PCDHA2: variants seen among roughly 807,000 people sequenced by gnomAD.
PCDHA2 encodes protocadherin alpha 2.
A neutral mutation model predicts 66.0 loss-of-function variants in PCDHA2; 58 were observed. The observed-to-expected ratio is 0.88, with a 90% CI of 0.71 to 1.09. PCDHA2 has a LOEUF of 1.09. PCDHA2 is among the 50% of genes least tolerant of loss of function. PCDHA2 has a pLI of 0.00. For missense variants in PCDHA2, 1,267 were observed against 1,242.3 expected, an observed-to-expected ratio of 1.02 and a Z score of -0.30; for synonymous variants, 634 against 554.0, an observed-to-expected ratio of 1.14 and a Z score of -2.03.
Position 140,807,576 on chromosome 5 carries a change from C to G in PCDHA2, c.2388+10224C>G, listed in dbSNP as rs1763970133. 3 of 1,614,160 alleles carry G rather than the reference C, an allele frequency of 1.9e-6. No individual in the cohort carries two copies. In the East Asian group the frequency reaches 6.7e-5, roughly 36 times the overall value. On this transcript the variant is annotated intron_variant, in intron 1 of 3. Coordinates refer to ENST00000526136, the MANE Select transcript of PCDHA2 (RefSeq NM_018905.3). ...GAGGTGAGGGACATTAACGATAACC[C>G]GCCGGTGTTCCCAGCAACACAAAAG...
intron 1 of PCDHA2, chr5:140,829,772 A>C: frequency 6.2e-7 from 1 of 1,613,784 alleles, no homozygotes; most frequent in Non-Finnish European, 8.5e-7. Context: ...CGAGAACGAC[A>C]ACGCGCCGGC....
intron 1 of PCDHA2, chr5:140,869,678 T>A: frequency 1.9e-6 from 3 of 1,613,496 alleles, no homozygotes; most frequent in East Asian, 4.5e-5. Flanking sequence ...ATTAAAAGAC[T>A]GTCACTTATT....
At chr5:140,964,473 T>G (rs1457345251) in intron 1 of PCDHA2, among the ~76,000 whole-genome samples, 13 of 152,068 alleles carry the variant, frequency 8.5e-5, no homozygotes, top group African/African-American at 3.1e-4. Flanking sequence ...TGCCTATGAT[T>G]TTTTCACAGT....
At chr5:140,803,794 A>C in intron 1 of PCDHA2, 1 of 817,710 alleles carries the variant, frequency 1.2e-6, no homozygotes, top group Non-Finnish European at 1.9e-6. Context: ...TATGATATCC[A>C]CACTTGTAAT....
At chr5:140,934,574 A>G in intron 1 of PCDHA2, among the ~76,000 whole-genome samples, 1 of 152,124 alleles carries the variant, frequency 6.6e-6, no homozygotes, top group Non-Finnish European at 1.5e-5. Flanking sequence ...AATTAATTGT[A>G]ACATTTCTGT....
At chr5:141,002,934 C>A (rs1318656602) in intron 3 of PCDHA2, among the ~76,000 whole-genome samples, 2 of 152,172 alleles carry the variant, frequency 1.3e-5, no homozygotes, top group Non-Finnish European at 2.9e-5. Flanking sequence ...CCTCCAACAC[C>A]CTCCAGCACA....
Position 140,997,281 on chromosome 5 carries a change from T to C in PCDHA2, c.2537-12346T>C, listed in dbSNP as rs143161972. Reference sequence around the variant, plus strand: ...CTCTTCCAAATATTTCTTGCATCACTTAACAATGGGGATACACTGAGAAAT... The same window carrying C: ...CTCTTCCAAATATTTCTTGCATCACCTAACAATGGGGATACACTGAGAAAT... On this transcript the variant is annotated intron_variant, in intron 3 of 3. Transcript: ENST00000526136. 1.4e-3 allele frequency among the ~76,000 whole-genome samples: 209 copies of C among 152,340 alleles called. 2 individuals carry two copies. Among genetic ancestry groups the C allele is most frequent in the African/African-American group, 4.7e-3 (195 of 41,574 alleles).
intron 1 of PCDHA2, among the ~76,000 whole-genome samples, chr5:140,910,545 A>T (rs551984797): frequency 1.3e-5 from 2 of 152,316 alleles, no homozygotes; most frequent in East Asian, 1.9e-4. Context: ...TCTATTTTGC[A>T]AAGTATTAGT....
intron 1 of PCDHA2, chr5:140,877,218 G>T: frequency 1.2e-6 from 2 of 1,613,726 alleles, no homozygotes; most frequent in South Asian, 1.1e-5. Context: ...AGTTGGTACC[G>T]CGGTCGGTGG....
At chr5:140,966,414 G>A (rs1310333281) in intron 1 of PCDHA2, 5 of 420,334 alleles carry the variant, frequency 1.2e-5, no homozygotes, top group African/African-American at 2.1e-5. Context: ...AATCAGAGCA[G>A]GACTTGCTGA....
At chr5:140,870,619 T>C in intron 1 of PCDHA2, 1 of 1,613,150 alleles carries the variant, frequency 6.2e-7, no homozygotes, top group Middle Eastern at 1.7e-4. Flanking sequence ...GCTGTCGAGC[T>C]ACGTGTCGGT....
chr5:140,945,596 T>C (rs2093812585), intron 1 of PCDHA2, among the ~76,000 whole-genome samples: 1 of 152,060 alleles, frequency 6.6e-6, no homozygotes, highest in Admixed American at 6.6e-5. Context: ...ACTTCAAAGC[T>C]ATAATAATCA....
intron 1 of PCDHA2, chr5:140,877,760 G>C (rs782609531): frequency 6.2e-7 from 1 of 1,614,194 alleles, no homozygotes; most frequent in South Asian, 1.1e-5. Context: ...TCTGCAGAGA[G>C]CCCGCCCAAG....
At position 140,850,499 on chromosome 5, in the gene PCDHA2, G is replaced by T. The variant is rs2150486529; in HGVS notation, c.2388+53147G>T. 2.5e-6 allele frequency: 4 copies of T among 1,598,170 alleles called. No individual in the cohort carries two copies. The East Asian group carries it at 8.9e-5, about 36-fold the overall frequency. ...CGGCCACGGCCACTGTGCTGGTGTCGCTGGTGGAGAGCGGCCAGGCGCCAA... is the reference window on the plus strand; with the variant it reads ...CGGCCACGGCCACTGTGCTGGTGTCTCTGGTGGAGAGCGGCCAGGCGCCAA... On this transcript the variant is annotated intron_variant, in intron 1 of 3. Transcript: ENST00000526136.
chr5:140,873,785 C>T (rs1035020245), intron 1 of PCDHA2, among the ~76,000 whole-genome samples: 2 of 152,146 alleles, frequency 1.3e-5, no homozygotes, highest in Non-Finnish European at 2.9e-5. Flanking sequence ...CTCAGCTTTC[C>T]GAGAAGCTGG....
chr5:140,835,477 C>T (rs2150236453), intron 1 of PCDHA2: 2 of 1,613,948 alleles, frequency 1.2e-6, no homozygotes, highest in Non-Finnish European at 1.7e-6. Flanking sequence ...GACGCCCAAC[C>T]AGGTACCGTC....
intron 1 of PCDHA2, among the ~76,000 whole-genome samples, chr5:140,909,116 T>C (rs1273091505): frequency 6.6e-6 from 1 of 152,182 alleles, no homozygotes; most frequent in African/African-American, 2.4e-5. Context: ...ATCAGCAAAA[T>C]GTCATCAAGG....
At chr5:140,869,126 G>C in intron 1 of PCDHA2, 1 of 1,611,852 alleles carries the variant, frequency 6.2e-7, no homozygotes, top group African/African-American at 1.3e-5. Context: ...CAGAGAAGGG[G>C]ATTGGGCACC....
At chr5:140,866,149 T>A (rs1554160036) in intron 1 of PCDHA2, 2 of 152,248 alleles carry the variant, frequency 1.3e-5, no homozygotes, top group Non-Finnish European at 2.9e-5. Context: ...GGAAGTGATA[T>A]AAGTAAGAAT....
Sources: gnomAD v4.1 joint callset for allele counts (sites outside exome capture counted in the v4.1 genomes callset) on GRCh38, gnomAD v4.1.1 for gene constraint, MANE v1.5 for transcripts, NCBI Gene and HGNC (gene_info 2026-07-23, HGNC 2026-07-21) for gene names.